PAGE1: variants seen among roughly 807,000 people sequenced by gnomAD.
The protein encoded by PAGE1 is P antigen family member 1.
In PAGE1, 6 loss-of-function variants were observed where a neutral mutation model predicts 11.5. The observed-to-expected ratio is 0.52, with a 90% confidence interval of 0.29 to 1.03. PAGE1 has a LOEUF of 1.03. Among genes scored for constraint, PAGE1 ranks in the 50% least tolerant of loss-of-function variants. PAGE1 has a pLI of 0.09. For synonymous variants in PAGE1, 42 were observed against 40.2 expected, an observed-to-expected ratio of 1.05 and a Z score of -0.17; for missense variants, 120 against 110.2, an observed-to-expected ratio of 1.09 and a Z score of -0.40.
At chrX:49,691,122 G>A in intron 4 of PAGE1, 127 bp downstream of exon 4, 1 of 621,897 alleles carries the variant, frequency 1.6e-6, no homozygotes, top group African/African-American at 2.2e-5. Flanking sequence ...ATGTTGCAGT[G>A]AGCCAAGATT....
intron 4 of PAGE1, among the ~76,000 whole-genome samples, chrX:49,690,176 A>G (rs1405704208): frequency 1.0e-5 from 1 of 95,526 alleles, no homozygotes; most frequent in African/African-American, 3.8e-5. Flanking sequence ...GCAGTAAAAC[A>G]TGAAATATGA....
rs1209538680 is a variant in PAGE1, at chrX:49,694,655, A to G, written c.63+53T>C. The G allele has an allele frequency of 3.6e-6, 3 of 822,279 alleles. No homozygotes were observed. In the African/African-American group the frequency reaches 6.1e-5, roughly 17 times the overall value. 67.8% of individuals were successfully genotyped at this position (822,279 alleles called of 1,213,427 possible). On this transcript the variant is annotated intron_variant, in intron 2 of 5. Transcript: ENST00000376150. ...ACTATCACAAAAATTAATTTCTGCT[A>G]ATAGAAAACATCGAATTAACGTTAA...
At chrX:49,689,733 C>CAT in intron 4 of PAGE1, among the ~76,000 whole-genome samples, 190 bp from the exon 5 acceptor site, 2 of 55,038 alleles carry the variant, frequency 3.6e-5, no homozygotes, top group African/African-American at 1.7e-4. Context: ...TGTATATATA[C>CAT]ACACATATAT....
At chrX:49,694,066 C>CACACACACA (rs782179765) in intron 3 of PAGE1, 33 bp downstream of exon 3, 2 of 684,922 alleles carry the variant, frequency 2.9e-6, no homozygotes, top group East Asian at 8.1e-5. Context: ...ACACACACAC[C>CACACACACA]CCAACAGGCA....
Position 49,694,102 on chromosome X carries a change from G to C in PAGE1, c.163C>G (p.Gln55Glu), listed in dbSNP as rs185138525. 9.4e-6 allele frequency: 11 copies of C among 1,167,029 alleles called. No individual in the cohort carries two copies. The Admixed American group carries it at 2.3e-4, about 24-fold the overall frequency. ...TTCTTCTTCCCTTTCCCTTCACCTT[G>C]AGCTGCAGATGCTCCCTCATCCTCT... Reference protein sequence around the residue: ...EREDEGASAAQGQEPEADSQE... With the variant: ...EREDEGASAAEGQEPEADSQE... The change falls in exon 3 of 6, where the codon CAA (glutamine) becomes GAA (glutamate). Residue 55 changes from glutamine to glutamate, a missense_variant. Physicochemically the swap from Gln to Glu is conservative, Grantham distance 29 (BLOSUM62 2). Transcript: ENST00000376150.
Position 49,689,504 on chromosome X carries a change from G to C in PAGE1, c.332C>G (p.Pro111Arg). 1.0e-6 allele frequency: 1 copy of C among 955,789 alleles called. No homozygotes were observed. Among genetic ancestry groups the C allele is most frequent in the South Asian group, 3.1e-5 (1 of 32,417 alleles). The allele number at this position is 955,789 out of a possible 1,213,427, so 78.8% of individuals were successfully genotyped here. Residue 111 changes from proline (P) to arginine (R), a missense_variant, in exon 5 of 6, where the codon CCG (proline) becomes CGG (arginine). Pro to Arg is a moderately radical substitution (Grantham distance 103). Coordinates refer to ENST00000376150, the MANE Select transcript of PAGE1 (RefSeq NM_003785.4). ...PEADSQEQVH[P>R]KTGCERGDGP... ...ATCTCCGCGCTCACACCCAGTCTTC[G>C]GGTGAACCTGTTCCTGGCTATCCGC...
At chrX:49,690,437 G>C (rs1237694378) in intron 4 of PAGE1, among the ~76,000 whole-genome samples, 2 of 109,669 alleles carry the variant, frequency 1.8e-5, no homozygotes, top group African/African-American at 6.6e-5. Flanking sequence ...ACTCAAGACT[G>C]AAACCCTGTC....
At chrX:49,690,313 A>G (rs1448048271) in intron 4 of PAGE1, among the ~76,000 whole-genome samples, 1 of 108,244 alleles carries the variant, frequency 9.2e-6, no homozygotes, top group African/African-American at 3.4e-5. Context: ...ACAGGAAAAC[A>G]GGGTTTTCCA....
At chrX:49,690,080 T>C (rs2066912916) in intron 4 of PAGE1, among the ~76,000 whole-genome samples, 1 of 55,701 alleles carries the variant, frequency 1.8e-5, no homozygotes, top group Admixed American at 2.1e-4. Flanking sequence ...CATATATATG[T>C]GTATATATGT....
At chrX:49,689,971 A>G (rs1468654957) in intron 4 of PAGE1, among the ~76,000 whole-genome samples, 1 of 63,248 alleles carries the variant, frequency 1.6e-5, no homozygotes, top group Middle Eastern at 0.024. Flanking sequence ...ATATGTGTAT[A>G]TATATGTGTG....
intron 1 of PAGE1, among the ~76,000 whole-genome samples, chrX:49,695,309 T>C (rs1246015121): frequency 1.8e-5 from 2 of 112,303 alleles, no homozygotes; most frequent in African/African-American, 6.5e-5. Context: ...CAAGTTTGGT[T>C]GGGCCACACA....
Position 49,694,258 on chromosome X carries a change from A to T in PAGE1, c.64-57T>A, listed in dbSNP as rs2066932686. The T allele has an allele frequency of 4.7e-6, 3 of 635,719 alleles. No homozygotes were observed. The Admixed American group carries it at 8.4e-5, about 18-fold the overall frequency. 52.4% of individuals were successfully genotyped at this position (635,719 alleles called of 1,213,427 possible). On this transcript the variant is annotated intron_variant, in intron 2 of 5. Coordinates refer to ENST00000376150, the MANE Select transcript of PAGE1 (RefSeq NM_003785.4). ...AAAGACAAAAAGTTTTGTTATTAAT[A>T]CATGTCAAAAAATATATACGTATAC... is the stretch of plus-strand genomic sequence containing the variant.
At chrX:49,689,213 C>T (rs1033156529) in intron 5 of PAGE1, among the ~76,000 whole-genome samples, 14 of 108,605 alleles carry the variant, frequency 1.3e-4, no homozygotes, top group Non-Finnish European at 2.5e-4. Flanking sequence ...TGGTGGAGCA[C>T]GCCTGTAATC....
intron 1 of PAGE1, among the ~76,000 whole-genome samples, chrX:49,695,174 G>C (rs2066936794): frequency 8.9e-6 from 1 of 112,474 alleles, no homozygotes; most frequent in African/African-American, 3.2e-5. Context: ...CTCTGACAGA[G>C]GACGTTTCTG....
rs2066909196 is a variant in PAGE1, at chrX:49,689,933, A to ATATACACACATATATATGTG, written c.293-391_293-390insCACATATATATGTGTGTATA. 1.2e-4 allele frequency among the ~76,000 whole-genome samples: 6 copies of ATATACACACATATATATGTG among 48,649 alleles called. 1 individual carries two copies. Among genetic ancestry groups the ATATACACACATATATATGTG allele is most frequent in the Non-Finnish European group, 2.0e-4 (6 of 29,323 alleles). The allele number at this position is 48,649 out of a possible 115,157, so 42.2% of individuals were successfully genotyped here. On this transcript the variant is annotated intron_variant, in intron 4 of 5. Transcript: ENST00000376150. Reference sequence around the variant, plus strand: ...GTATATACACACATATATAGGGTGTATATATATGTGTGTATATACACACAT... The same window carrying ATATACACACATATATATGTG: ...GTATATACACACATATATAGGGTGTATATACACACATATATATGTGTATATATGTGTGTATATACACACAT...
rs1557141808 is a variant in PAGE1, at chrX:49,689,819, C to CACAT, written c.293-277_293-276insATGT. 2.0e-4 allele frequency among the ~76,000 whole-genome samples: 11 copies of CACAT among 55,128 alleles called. 3 individuals carry two copies. The highest frequency in any genetic ancestry group is 1.2e-3 in the African/African-American group (11 of 9,168). The allele number at this position is 55,128 out of a possible 115,157, so 47.9% of individuals were successfully genotyped here. A position where few individuals can be genotyped will look rare whatever the true frequency, so the allele number is the denominator to read the frequency against. Reference sequence around the variant, plus strand: ...ATGTATATATATGTGTATATACACACATATATGTGTATATATGTGTGTATA... The same window carrying CACAT: ...ATGTATATATATGTGTATATACACACACATATATATGTGTATATATGTGTGTATA... On this transcript the variant is annotated intron_variant, in intron 4 of 5. Coordinates refer to ENST00000376150, the MANE Select transcript of PAGE1 (RefSeq NM_003785.4).
intron 1 of PAGE1, among the ~76,000 whole-genome samples, chrX:49,695,293 T>A (rs2066937288): frequency 8.9e-6 from 1 of 112,257 alleles, no homozygotes. Context: ...TTCACCCCCC[T>A]CAAATCAAGT....
chrX:49,687,832 AAC>A (rs2066889391), intron 5 of PAGE1, among the ~76,000 whole-genome samples: 1 of 112,941 alleles, frequency 8.9e-6, no homozygotes. Flanking sequence ...CAACTTGGAA[AAC>A]ACATGTGTAA....
chrX:49,694,591 G>T lies in PAGE1; in HGVS notation c.63+117C>A, dbSNP rs60447196. On this transcript the variant is annotated intron_variant, in intron 2 of 5. Coordinates refer to ENST00000376150, the MANE Select transcript of PAGE1 (RefSeq NM_003785.4). ...AGAATCTTATTTTTTTAATCAGCAT[G>T]AACTACCTTTATTAGTGTATCTATA... 612 of 416,139 alleles carry T rather than the reference G, an allele frequency of 1.5e-3. 8 individuals carry two copies. The East Asian group carries it at 0.022, about 15-fold the overall frequency. The allele number at this position is 416,139 out of a possible 1,213,427, so 34.3% of individuals were successfully genotyped here. A position where few individuals can be genotyped will look rare whatever the true frequency, so the allele number is the denominator to read the frequency against.
Sources: gnomAD v4.1 joint callset for allele counts (sites outside exome capture counted in the v4.1 genomes callset) on GRCh38, gnomAD v4.1.1 for gene constraint, MANE v1.5 for transcripts, NCBI Gene and HGNC (gene_info 2026-07-23, HGNC 2026-07-21) for gene names.